The following PHOSPHO2 variants were observed in gnomAD, a reference collection of about 807,000 sequenced individuals.
The protein encoded by PHOSPHO2 is pyridoxal phosphate phosphatase PHOSPHO2.
Under a neutral mutation model 16.4 loss-of-function variants are expected in PHOSPHO2, and 14 were observed. The ratio of observed to expected loss-of-function variants is 0.85; its 90% CI spans 0.56 to 1.33. The LOEUF (loss-of-function observed/expected upper bound fraction) is 1.33, where lower values mean the gene tolerates loss of function less well. PHOSPHO2 is among the 40% of genes most tolerant of loss of function. The pLI is 0.00. For synonymous variants in PHOSPHO2, 85 were observed against 90.5 expected (o/e 0.94, Z 0.34); for missense variants, 246 against 282.5 (o/e 0.87, Z 0.93).
At chr2:169,700,105 G>A (rs1361268909) in intron 3 of PHOSPHO2, among the ~76,000 whole-genome samples, 1 of 152,100 alleles carries the variant, frequency 6.6e-6, no homozygotes, top group Non-Finnish European at 1.5e-5. Flanking sequence ...TTTGTCAGAT[G>A]GATAAATTGC....
At position 169,694,624 on chromosome 2, in the gene PHOSPHO2, T is replaced by C. The variant is rs1000426311; in HGVS notation, c.-231+2T>C. ...GGCGGCTGCCGACGGCGGGACTGGG[T>C]CAGTGAGAAGCCCGTGGGCCCCCGC... On this transcript the variant is annotated splice_donor_variant, in intron 1 of 3. Coordinates refer to ENST00000359744, the MANE Select transcript of PHOSPHO2 (RefSeq NM_001008489.4). LOFTEE classifies it low-confidence loss of function (5UTR_SPLICE). 2 of 514,314 alleles carry C rather than the reference T, an allele frequency of 3.9e-6. No individual in the cohort carries two copies. Among genetic ancestry groups the C allele is most frequent in the African/African-American group, 3.8e-5 (2 of 52,032 alleles). The allele number at this position is 514,314 out of a possible 1,614,324, so 31.9% of individuals were successfully genotyped here. A position where few individuals can be genotyped will look rare whatever the true frequency, so the allele number is the denominator to read the frequency against.
intron 3 of PHOSPHO2, chr2:169,697,969 C>T (rs1687608185): frequency 6.6e-6 from 1 of 152,186 alleles, no homozygotes; most frequent in Non-Finnish European, 1.5e-5. Context: ...GTACCAGCCA[C>T]ATTCACACAA....
At position 169,701,317 on chromosome 2, in the gene PHOSPHO2, G is replaced by T. The variant is rs201792555; in HGVS notation, c.346G>T (p.Asp116Tyr). Residue 116 changes from aspartate to tyrosine, a missense_variant, in exon 4 of 4, where the codon GAC (aspartate) becomes TAC (tyrosine). By Grantham distance (160) the Asp-to-Tyr change is radical. Transcript: ENST00000359744. ...GGTTTTAGAAGCTGCCAGTTTTCAT[G>T]ACATATTTGATAAAGTGTTTACAAA... ...DWVLEAASFHDIFDKVFTNPA... is the reference protein window; with the variant it reads ...DWVLEAASFHYIFDKVFTNPA... 1.2e-6 allele frequency: 2 copies of T among 1,612,458 alleles called. No homozygotes were observed. Among genetic ancestry groups the T allele is most frequent in the South Asian group, 2.2e-5 (2 of 90,744 alleles).
intron 1 of PHOSPHO2, 144 bp downstream of exon 1, chr2:169,694,766 C>A (rs920028642): frequency 3.0e-5 from 8 of 268,804 alleles, no homozygotes; most frequent in African/African-American, 1.8e-4. Context: ...GAGGCCTAGG[C>A]GTGGTGTGTG....
At chr2:169,696,746 A>C (rs951808546) in intron 2 of PHOSPHO2, among the ~76,000 whole-genome samples, 2 of 152,198 alleles carry the variant, frequency 1.3e-5, no homozygotes. Context: ...TTTTGGAGAC[A>C]TTTTAATTTC....
At position 169,700,902 on chromosome 2, in the gene PHOSPHO2, T is replaced by C. The variant is rs188597209; in HGVS notation, c.-26-44T>C. 1.7e-4 allele frequency: 242 copies of C among 1,460,360 alleles called. 2 individuals carry two copies. In the East Asian group the frequency reaches 5.2e-3, roughly 32 times the overall value. 90.5% of individuals were successfully genotyped at this position (1,460,360 alleles called of 1,614,324 possible). ...ATTAAATAAGTATTTTAGCTAGATA[T>C]GTAAACAGAGTTTGTTTAGGGAATA... On this transcript the variant is annotated intron_variant, in intron 3 of 3. Coordinates refer to ENST00000359744, the MANE Select transcript of PHOSPHO2 (RefSeq NM_001008489.4).
chr2:169,694,704 A>T (rs998549475), intron 1 of PHOSPHO2, 82 bp downstream of exon 1: 1 of 351,088 alleles, frequency 2.8e-6, no homozygotes, highest in Non-Finnish European at 5.5e-6. Context: ...ACGACCCCCG[A>T]TTGGGTCCGA....
intron 3 of PHOSPHO2, among the ~76,000 whole-genome samples, chr2:169,700,735 T>A (rs1414576048): frequency 6.6e-6 from 1 of 152,104 alleles, no homozygotes; most frequent in Non-Finnish European, 1.5e-5. Context: ...ATGAATGTCC[T>A]TTTTATATAT....
In PHOSPHO2 at chr2:169,701,334, G is replaced by A; in HGVS notation, c.363G>A (p.Val121=). The A allele has an allele frequency of 6.2e-7, 1 of 1,613,146 alleles. No homozygotes were observed. Among genetic ancestry groups the A allele is most frequent in the Non-Finnish European group, 8.5e-7 (1 of 1,179,720 alleles). Residue 121 remains valine, a synonymous_variant, in exon 4 of 4, where the codon GTG becomes GTA. Transcript: ENST00000359744. ...AASFHDIFDK[V]FTNPAAFNSN... ...GTTTTCATGACATATTTGATAAAGT[G>A]TTTACAAATCCAGCAGCTTTTAATA...
Position 169,701,413 on chromosome 2 carries a change from C to T in PHOSPHO2, c.442C>T (p.Pro148Ser). 1 of 1,613,088 alleles carries T rather than the reference C, an allele frequency of 6.2e-7. No homozygotes were observed. Reference protein sequence around the residue: ...NYHTHSCNRCPKNLCKKVVLI... With the variant: ...NYHTHSCNRCSKNLCKKVVLI... ...TCATACTCATTCTTGCAATAGATGC[C>T]CAAAGAATCTTTGCAAAAAGGTAGT... The change falls in exon 4 of 4, where the codon CCA becomes TCA. Residue 148 changes from proline to serine, a missense_variant. Pro to Ser is a moderately conservative substitution (Grantham distance 74, BLOSUM62 -1). Coordinates refer to ENST00000359744, the MANE Select transcript of PHOSPHO2 (RefSeq NM_001008489.4).
At position 169,699,651 on chromosome 2, in the gene PHOSPHO2, TAA is replaced by T. The variant is rs575971236; in HGVS notation, c.-26-1292_-26-1291del. ...TTAATTTACACTCCTACCAACAGTG[TAA>T]AAGTGTTCCTTTTTCTCCACAACCT... On this transcript the variant is annotated intron_variant, in intron 3 of 3. Transcript: ENST00000359744. Among the ~76,000 whole-genome samples, 6 of 152,352 alleles carry T rather than the reference TAA, an allele frequency of 3.9e-5. No homozygotes were observed. The South Asian group carries it at 1.2e-3, about 32-fold the overall frequency.
chr2:169,694,691 G>A (rs1255622821), intron 1 of PHOSPHO2, 69 bp downstream of exon 1: 6 of 384,666 alleles, frequency 1.6e-5, no homozygotes, highest in African/African-American at 2.1e-5. Flanking sequence ...CTCCCCATGG[G>A]GGACGACCCC....
intron 2 of PHOSPHO2, among the ~76,000 whole-genome samples, chr2:169,696,559 A>G (rs950238666): frequency 2.0e-5 from 3 of 152,150 alleles, no homozygotes; most frequent in African/African-American, 7.2e-5. Context: ...GTAGTTTTTA[A>G]TTTTCATTAT....
chr2:169,701,523 C>T lies in PHOSPHO2; in HGVS notation c.552C>T (p.Val184=), dbSNP rs762127577. Reference sequence around the variant, plus strand: ...ATATTGGTGATGGTGGAAATGATGTCTGTCCAGTCACCTTTTTAAAGAATG... The same window carrying T: ...ATATTGGTGATGGTGGAAATGATGTTTGTCCAGTCACCTTTTTAAAGAATG... The part of the protein sequence containing the change: ...IVYIGDGGND[V]CPVTFLKNDD... The change falls in exon 4 of 4, where the codon GTC becomes GTT. Residue 184 remains valine (V), a synonymous_variant. Transcript: ENST00000359744. The T allele has an allele frequency of 2.5e-6, 4 of 1,613,606 alleles. No individual in the cohort carries two copies. Among genetic ancestry groups the T allele is most frequent in the Non-Finnish European group, 3.4e-6 (4 of 1,179,952 alleles).
rs765261579 is a variant in PHOSPHO2 at position 169,701,081 on chromosome 2, A to G, written c.110A>G (p.Asp37Gly). Reference sequence around the variant, plus strand: ...AAAAAGCTTCCTATTGAACTACGTGATTCTTATCGAAAAGGATTTTGGACA... The same window carrying G: ...AAAAAGCTTCCTATTGAACTACGTGGTTCTTATCGAAAAGGATTTTGGACA... ...PNKKLPIELR[D>G]SYRKGFWTEF... Residue 37 changes from aspartate (D) to glycine (G), a missense_variant, in exon 4 of 4, where the codon GAT becomes GGT. Physicochemically the swap from Asp to Gly is moderately conservative, Grantham distance 94. Coordinates refer to ENST00000359744, the MANE Select transcript of PHOSPHO2 (RefSeq NM_001008489.4). 3.7e-6 allele frequency: 6 copies of G among 1,614,056 alleles called. No homozygotes were observed. In the South Asian group the frequency reaches 6.6e-5, roughly 18 times the overall value.
intron 2 of PHOSPHO2, among the ~76,000 whole-genome samples, chr2:169,696,283 C>A (rs1687531215): frequency 6.6e-6 from 1 of 152,162 alleles, no homozygotes; most frequent in Admixed American, 6.5e-5. Flanking sequence ...TGATCTGAAA[C>A]AGAGTTTAAA....
chr2:169,696,510 A>G (rs759835830), intron 2 of PHOSPHO2, among the ~76,000 whole-genome samples: 5 of 152,234 alleles, frequency 3.3e-5, no homozygotes, highest in Non-Finnish European at 5.9e-5. Flanking sequence ...TATCACATGC[A>G]TATCTTACTT....
rs1164230197 is a variant in PHOSPHO2 at position 169,701,085 on chromosome 2, T to G, written c.114T>G (p.Ser38=). 1 of 1,613,936 alleles carries G rather than the reference T, an allele frequency of 6.2e-7. No individual in the cohort carries two copies. The highest frequency in any genetic ancestry group is 8.5e-7 in the Non-Finnish European group (1 of 1,179,990). Residue 38 remains serine (S), a synonymous_variant, in exon 4 of 4, where the codon TCT becomes TCG. Coordinates refer to ENST00000359744, the MANE Select transcript of PHOSPHO2 (RefSeq NM_001008489.4). ...NKKLPIELRD[S]YRKGFWTEFM... is the part of the protein sequence containing the mutation. ...AGCTTCCTATTGAACTACGTGATTC[T>G]TATCGAAAAGGATTTTGGACAGAAT...
chr2:169,698,856 T>G (rs1042487672), intron 3 of PHOSPHO2, among the ~76,000 whole-genome samples: 1 of 152,196 alleles, frequency 6.6e-6, no homozygotes, highest in Non-Finnish European at 1.5e-5. Context: ...AATAAACATG[T>G]GAAAACTCTT....
Sources: allele counts gnomAD v4.1 joint callset (sites outside exome capture counted in the v4.1 genomes callset), GRCh38; gene constraint gnomAD v4.1.1; transcripts MANE v1.5; gene names NCBI Gene and HGNC (gene_info 2026-07-23, HGNC 2026-07-21).